Variants in CNTNAP4 observed in about 807,000 individuals in gnomAD.
CNTNAP4 encodes contactin associated protein family member 4.
In CNTNAP4, 98 loss-of-function variants were observed where a neutral mutation model predicts 148.4. The observed-to-expected ratio is 0.66, with a 90% confidence interval of 0.56 to 0.78. The LOEUF is 0.78. CNTNAP4 is among the 30% of genes least tolerant of loss of function. The pLI, the probability that CNTNAP4 is intolerant of heterozygous loss-of-function variation, is 0.00. For synonymous variants in CNTNAP4, 730 were observed against 565.1 expected (o/e 1.29, Z -4.14); for missense variants, 1,935 against 1,565.6 (o/e 1.24, Z -3.98).
At chr16:76,288,086 G>T (rs779232703) in intron 1 of CNTNAP4, among the ~76,000 whole-genome samples, 46 of 152,188 alleles carry the variant, frequency 3.0e-4, no homozygotes, top group Non-Finnish European at 5.4e-4. Context: ...ACCAGGTGGA[G>T]ATAATTGAAC....
At chr16:76,281,523 C>G (rs1267647086) in intron 1 of CNTNAP4, among the ~76,000 whole-genome samples, 1 of 152,036 alleles carries the variant, frequency 6.6e-6, no homozygotes, top group Non-Finnish European at 1.5e-5. Context: ...CACATAATAC[C>G]TGGTGCTTAC....
At chr16:76,310,087 T>C (rs148861585) in intron 1 of CNTNAP4, among the ~76,000 whole-genome samples, 3,024 of 152,246 alleles carry the variant, frequency 0.02, 52 homozygotes, top group South Asian at 0.037. Context: ...TTTGGCTTCC[T>C]GGGCTAGTTG....
intron 3 of CNTNAP4, among the ~76,000 whole-genome samples, chr16:76,420,751 A>G (rs990364719): frequency 6.6e-6 from 1 of 152,050 alleles, no homozygotes; most frequent in Non-Finnish European, 1.5e-5. Context: ...AGTTATCCCT[A>G]AAGAGAAAGC....
At chr16:76,516,158 A>T (rs1178963214) in intron 15 of CNTNAP4, among the ~76,000 whole-genome samples, 1 of 128,898 alleles carries the variant, frequency 7.8e-6, no homozygotes, top group African/African-American at 3.0e-5. Context: ...TATTCTCATT[A>T]TTTAACTCCC....
chr16:76,331,210 C>T (rs1963482476), intron 2 of CNTNAP4, among the ~76,000 whole-genome samples: 2 of 150,838 alleles, frequency 1.3e-5, no homozygotes, highest in African/African-American at 4.9e-5. Context: ...TTTTTTTAGA[C>T]AGAGTCTCGC....
At position 76,429,632 on chromosome 16, in the gene CNTNAP4, A is replaced by G. The variant is rs1394138780; in HGVS notation, c.538+2033A>G. 2.6e-5 allele frequency among the ~76,000 whole-genome samples: 4 copies of G among 152,122 alleles called. No individual in the cohort carries two copies. In the East Asian group the frequency reaches 7.7e-4, roughly 29 times the overall value. ...CTGTTTATGCTGTTTTGCTGGCTCT[A>G]AAGCACCAGGTATAATGTCCACATG... On this transcript the variant is annotated intron_variant, in intron 4 of 23. Transcript: ENST00000611870.
chr16:76,474,946 A>G (rs1198509949), intron 10 of CNTNAP4, among the ~76,000 whole-genome samples: 1 of 152,232 alleles, frequency 6.6e-6, no homozygotes, highest in Non-Finnish European at 1.5e-5. Context: ...GTTACTTAGT[A>G]TTTGGACATG....
intron 3 of CNTNAP4, among the ~76,000 whole-genome samples, chr16:76,396,303 C>T (rs1288048643): frequency 6.6e-6 from 1 of 152,164 alleles, no homozygotes; most frequent in Non-Finnish European, 1.5e-5. Flanking sequence ...TGCTGCTGCT[C>T]ACAAGCCAGA....
At chr16:76,317,869 T>C (rs1316302519) in intron 2 of CNTNAP4, among the ~76,000 whole-genome samples, 2 of 152,214 alleles carry the variant, frequency 1.3e-5, no homozygotes, top group East Asian at 3.8e-4. Flanking sequence ...GATACCTACT[T>C]TTGTGTGCTT....
chr16:76,541,044 A>G (rs1244320084), intron 21 of CNTNAP4, among the ~76,000 whole-genome samples: 1 of 152,204 alleles, frequency 6.6e-6, no homozygotes, highest in Non-Finnish European at 1.5e-5. Flanking sequence ...AAGTATAATG[A>G]AATATGGTAT....
chr16:76,422,478 T>C (rs990255525), intron 3 of CNTNAP4, among the ~76,000 whole-genome samples: 1 of 152,208 alleles, frequency 6.6e-6, no homozygotes, highest in Non-Finnish European at 1.5e-5. Context: ...TAAGTTGCAT[T>C]ATTCTAAAAT....
intron 21 of CNTNAP4, among the ~76,000 whole-genome samples, chr16:76,549,011 G>A (rs2084854106): frequency 6.6e-6 from 1 of 152,046 alleles, no homozygotes. Context: ...CTCCACTTCC[G>A]ATTCGAATTC....
intron 21 of CNTNAP4, among the ~76,000 whole-genome samples, chr16:76,549,821 G>T (rs564215709): frequency 6.6e-6 from 1 of 152,190 alleles, no homozygotes; most frequent in South Asian, 2.1e-4. Flanking sequence ...TGAATTTAGA[G>T]AATATATAGA....
At chr16:76,427,884 G>T (rs1290587315) in intron 4 of CNTNAP4, among the ~76,000 whole-genome samples, 1 of 152,084 alleles carries the variant, frequency 6.6e-6, no homozygotes, top group Non-Finnish European at 1.5e-5. Context: ...TGACTATGTT[G>T]TAACTTTCAA....
intron 21 of CNTNAP4, among the ~76,000 whole-genome samples, chr16:76,546,121 T>G (rs1457574900): frequency 6.6e-6 from 1 of 151,396 alleles, no homozygotes; most frequent in Admixed American, 6.6e-5. Flanking sequence ...AATATGTGAG[T>G]GAATTTATTA....
At chr16:76,296,316 C>T (rs1203714511) in intron 1 of CNTNAP4, among the ~76,000 whole-genome samples, 1 of 152,158 alleles carries the variant, frequency 6.6e-6, no homozygotes, top group Non-Finnish European at 1.5e-5. Flanking sequence ...CAAATACCTA[C>T]CTCCACCCCA....
chr16:76,479,649 A>G, intron 12 of CNTNAP4, 111 bp downstream of exon 12: 1 of 1,067,078 alleles, frequency 9.4e-7, no homozygotes, highest in Non-Finnish European at 1.4e-6. Flanking sequence ...TGATTAAAAT[A>G]TGTATTGTTC....
intron 8 of CNTNAP4, among the ~76,000 whole-genome samples, chr16:76,460,773 A>AATATATATATATAT (rs150425968): frequency 6.1e-4 from 35 of 57,306 alleles, no homozygotes; most frequent in East Asian, 1.0e-3. Flanking sequence ...AAAAAAAAAA[A>AATATATATATATAT]ATATATATAT....
At chr16:76,410,932 G>C (rs2078770516) in intron 3 of CNTNAP4, among the ~76,000 whole-genome samples, 1 of 151,374 alleles carries the variant, frequency 6.6e-6, no homozygotes, top group Non-Finnish European at 1.5e-5. Context: ...GAAAGTATAG[G>C]TTAAGATCTA....
Sources: allele counts gnomAD v4.1 joint callset (sites outside exome capture counted in the v4.1 genomes callset), GRCh38; gene constraint gnomAD v4.1.1; transcripts MANE v1.5; gene names NCBI Gene and HGNC (gene_info 2026-07-23, HGNC 2026-07-21).